POLA2: variants seen among roughly 807,000 people sequenced by gnomAD.
POLA2 encodes DNA polymerase alpha subunit B.
POLA2 carries 47 observed loss-of-function variants against 82.8 expected under a neutral mutation model. The observed-to-expected ratio is 0.57, with a 90% CI of 0.45 to 0.72. The LOEUF is 0.72. Among genes scored for constraint, POLA2 ranks in the 30% least tolerant of loss-of-function variants. The pLI is 0.00. For synonymous variants in POLA2, 287 were observed against 286.8 expected (o/e 1.00, Z -0.01); for missense variants, 634 against 728.1 (o/e 0.87, Z 1.49).
At chr11:65,305,368 T>TTTGTTTTTTTGTTTGTTTTG (rs1420099669) in intron 8 of POLA2, 1 of 456,268 alleles carries the variant, frequency 2.2e-6, no homozygotes, top group South Asian at 1.5e-5. Flanking sequence ...CTTTGTTTTG[T>TTTGTTTTTTTGTTTGTTTTG]TTAGTTTTTG....
intron 5 of POLA2, 148 bp from the exon 6 acceptor site, chr11:65,278,582 T>C: frequency 1.6e-6 from 1 of 611,966 alleles, no homozygotes; most frequent in South Asian, 2.5e-5. Flanking sequence ...GGTCTGGGTA[T>C]GTCCAACCCC....
intron 4 of POLA2, among the ~76,000 whole-genome samples, chr11:65,270,331 G>A (rs1212954642): frequency 6.6e-6 from 1 of 152,174 alleles, no homozygotes; most frequent in Non-Finnish European, 1.5e-5. Flanking sequence ...TCTACAGCCT[G>A]GATGACAAAG....
chr11:65,267,355 C>A, intron 2 of POLA2, 122 bp from the exon 3 acceptor site: 2 of 597,788 alleles, frequency 3.3e-6, no homozygotes, highest in East Asian at 3.0e-5. Flanking sequence ...TATCTTAATT[C>A]TTTGAGGAAT....
At chr11:65,290,396 C>T (rs1226492006) in intron 13 of POLA2, among the ~76,000 whole-genome samples, 2 of 151,908 alleles carry the variant, frequency 1.3e-5, no homozygotes, top group African/African-American at 2.4e-5. Flanking sequence ...ATTAGCTGGG[C>T]GTGGTGGCAC....
rs1392638802 is a variant in POLA2, at chr11:65,289,055, C to T, written c.1137C>T (p.Gly379=). The T allele has an allele frequency of 2.5e-6, 4 of 1,613,528 alleles. No individual in the cohort carries two copies. Among genetic ancestry groups the T allele is most frequent in the Non-Finnish European group, 2.5e-6 (3 of 1,179,668 alleles). ...CTTTGTTTCTCCCCTTGCAGTTTGG[C>T]CCTTTCCTGGATGCTAAGCATGAAC... ...HDRPDVCILF[G]PFLDAKHEQV... Residue 379 remains glycine (G), a synonymous_variant, in exon 12 of 18, where the codon GGC becomes GGT. Coordinates refer to ENST00000265465, the MANE Select transcript of POLA2 (RefSeq NM_002689.4).
Position 65,289,837 on chromosome 11 carries a change from G to A in POLA2, c.1209G>A (p.Lys403=), listed in dbSNP as rs749799881. Residue 403 remains lysine (K), a synonymous_variant, in exon 13 of 18, where the codon AAG becomes AAA. Transcript: ENST00000265465. ...CAAGTCCATTTGAAGACATTTTCAA[G>A]CAGTGTCTACGAACAATTATTGAAG... The part of the protein sequence containing the change: ...LLTSPFEDIF[K]QCLRTIIEGT... The A allele has an allele frequency of 2.5e-6, 4 of 1,611,534 alleles. No homozygotes were observed. The South Asian group carries it at 4.4e-5, about 18-fold the overall frequency.
chr11:65,294,442 C>T lies in POLA2; in HGVS notation c.1354-104C>T, dbSNP rs559104294. 3.8e-6 allele frequency: 4 copies of T among 1,063,538 alleles called. No individual in the cohort carries two copies. In the African/African-American group the frequency reaches 4.7e-5, roughly 13 times the overall value. 65.9% of individuals were successfully genotyped at this position (1,063,538 alleles called of 1,614,324 possible). ...AAGCTTGATGTATGTTGGTTTGGTC[C>T]CCCTTTCCGTGGTCTCCCCAGCCCT... is the stretch of plus-strand genomic sequence containing the variant. On this transcript the variant is annotated intron_variant, in intron 14 of 17. Coordinates refer to ENST00000265465, the MANE Select transcript of POLA2 (RefSeq NM_002689.4).
At chr11:65,263,220 C>CTTTTTTTTT (rs547474910) in intron 1 of POLA2, among the ~76,000 whole-genome samples, 1 of 123,198 alleles carries the variant, frequency 8.1e-6, no homozygotes, top group African/African-American at 3.2e-5. Context: ...CTCTCTCTCT[C>CTTTTTTTTT]TTTTTTTTTT....
At chr11:65,287,861 A>G in intron 11 of POLA2, 21 bp downstream of exon 11, 1 of 1,609,936 alleles carries the variant, frequency 6.2e-7, no homozygotes, top group Non-Finnish European at 8.5e-7. Flanking sequence ...CCAGTGGGAA[A>G]GCTGAGGAGT....
At chr11:65,266,757 T>C in intron 2 of POLA2, 51 bp downstream of exon 2, 1 of 1,596,196 alleles carries the variant, frequency 6.3e-7, no homozygotes. Context: ...ATTTCTGCTC[T>C]ACAGGGGAGG....
In POLA2 at chr11:65,282,478, G is replaced by T. The variant is rs1347809303; in HGVS notation, c.964-1G>T. 1 of 1,613,466 alleles carries T rather than the reference G, an allele frequency of 6.2e-7. No homozygotes were observed. The highest frequency in any genetic ancestry group is 8.5e-7 in the Non-Finnish European group (1 of 1,179,608). On this transcript the variant is annotated splice_acceptor_variant, in intron 9 of 17. Coordinates refer to ENST00000265465, the MANE Select transcript of POLA2 (RefSeq NM_002689.4). LOFTEE classifies it high-confidence loss of function. ...TACTTGAGCTTTTCCCCTGTTTTTA[G>T]GGTGTGCCACTTCCATTTTATCAGC... is the stretch of plus-strand genomic sequence containing the variant.
In POLA2 at chr11:65,281,057, G is replaced by A; in HGVS notation, c.810G>A (p.Val270=). ...DSNGKLNNKS[V]ILEGDREHSS... ...ACGGGAAGCTGAACAACAAGTCAGTGATTCTCGAGGGAGACCGGGAACATT... is the reference window on the plus strand; with the variant it reads ...ACGGGAAGCTGAACAACAAGTCAGTAATTCTCGAGGGAGACCGGGAACATT... The change falls in exon 8 of 18, where the codon GTG becomes GTA. Residue 270 remains valine, a synonymous_variant. Transcript: ENST00000265465. 1 of 1,614,148 alleles carries A rather than the reference G, an allele frequency of 6.2e-7. No individual in the cohort carries two copies. The highest frequency in any genetic ancestry group is 8.5e-7 in the Non-Finnish European group (1 of 1,180,018).
chr11:65,286,610 G>C (rs1328148993), intron 10 of POLA2, among the ~76,000 whole-genome samples: 1 of 151,964 alleles, frequency 6.6e-6, no homozygotes, highest in Non-Finnish European at 1.5e-5. Context: ...GGCTGGTCTC[G>C]ACCTCCTGAG....
chr11:65,301,493 A>T (rs1204647462), downstream of POLA2, among the ~76,000 whole-genome samples: 3 of 151,662 alleles, frequency 2.0e-5, no homozygotes, highest in Admixed American at 2.0e-4. Flanking sequence ...AGGGGCACCA[A>T]GTGGGCCATT....
chr11:65,297,023 C>G, intron 17 of POLA2, 97 bp from the exon 18 acceptor site: 1 of 1,305,658 alleles, frequency 7.7e-7, no homozygotes, highest in Non-Finnish European at 1.1e-6. Flanking sequence ...TTCTAAAACC[C>G]TCTTTGGGGT....
At position 65,294,193 on chromosome 11, in the gene POLA2, G is replaced by A. The variant is rs773530905; in HGVS notation, c.1285G>A (p.Val429Met). The A allele has an allele frequency of 1.2e-6, 2 of 1,614,120 alleles. No homozygotes were observed. The highest frequency in any genetic ancestry group is 1.7e-6 in the Non-Finnish European group (2 of 1,180,036). ...HLVFVPSLRD[V>M]HHEPVYPQPP... The stretch of plus-strand genomic sequence containing the variant: ...TGTCTTTGTCCCGTCATTGAGAGAT[G>A]TGCACCATGAGCCTGTGTACCCCCA... Residue 429 changes from valine to methionine, a missense_variant, in exon 14 of 18, where the codon GTG becomes ATG. Transcript: ENST00000265465.
chr11:65,276,558 C>G (rs1312807691), intron 5 of POLA2, among the ~76,000 whole-genome samples: 2 of 152,056 alleles, frequency 1.3e-5, no homozygotes, highest in Admixed American at 1.3e-4. Flanking sequence ...CACATAAATC[C>G]ACAAAGATCA....
At position 65,297,306 on chromosome 11, in the gene POLA2, C is replaced by G. The variant is rs762489143; in HGVS notation, c.*37C>G. The stretch of plus-strand genomic sequence containing the variant: ...TCTGCTGTTCTCTGCTGTGTGGGCC[C>G]TTAAAGTCTTAGCCAAGAGCCAAGA... On this transcript the variant is annotated 3_prime_UTR_variant, in exon 18 of 18. Transcript: ENST00000265465. 6.5e-7 allele frequency: 1 copy of G among 1,537,674 alleles called. No individual in the cohort carries two copies. Among genetic ancestry groups the G allele is most frequent in the African/African-American group, 1.4e-5 (1 of 72,040 alleles).
intron 1 of POLA2, among the ~76,000 whole-genome samples, chr11:65,264,396 G>A (rs919953861): frequency 6.6e-6 from 1 of 152,038 alleles, no homozygotes; most frequent in African/African-American, 2.4e-5. Context: ...GTAGAGACAA[G>A]GTTTCACCAT....
Sources: allele counts gnomAD v4.1 joint callset (sites outside exome capture counted in the v4.1 genomes callset), GRCh38; gene constraint gnomAD v4.1.1; transcripts MANE v1.5; gene names NCBI Gene and HGNC (gene_info 2026-07-23, HGNC 2026-07-21).